Variants in CACNB2 observed in about 807,000 individuals in gnomAD.
CACNB2 encodes calcium voltage-gated channel auxiliary subunit beta 2.
Under a neutral mutation model 73.3 loss-of-function variants are expected in CACNB2, and 42 were observed. The ratio of observed to expected loss-of-function variants is 0.57; its 90% CI spans 0.45 to 0.74. CACNB2 has a LOEUF of 0.74. Among genes scored for constraint, CACNB2 ranks in the 30% least tolerant of loss-of-function variants. The pLI is 0.00. For missense variants in CACNB2, 940 were observed against 853.0 expected (o/e 1.10, Z -1.27); for synonymous variants, 348 against 310.3 (o/e 1.12, Z -1.28).
chr10:18,244,439 G>A (rs778796704), intron 2 of CACNB2, among the ~76,000 whole-genome samples: 45 of 152,274 alleles, frequency 3.0e-4, no homozygotes, highest in African/African-American at 9.6e-4. Flanking sequence ...TTTTCCTAAC[G>A]TGCAAAACAG....
In CACNB2 at chr10:18,237,675, C is replaced by A. The variant is rs187844877; in HGVS notation, c.213+86700C>A. 3.1e-4 allele frequency among the ~76,000 whole-genome samples: 47 copies of A among 152,256 alleles called. 1 individual carries two copies. The highest frequency in any genetic ancestry group is 9.4e-4 in the African/African-American group (39 of 41,518). ...TGGTATCATTTGAACTTGATCTTGACGTTGGAATGGTTCTTCAGGTGCATC... is the reference window on the plus strand; with the variant it reads ...TGGTATCATTTGAACTTGATCTTGAAGTTGGAATGGTTCTTCAGGTGCATC... On this transcript the variant is annotated intron_variant, in intron 2 of 13. Coordinates refer to ENST00000324631, the MANE Select transcript of CACNB2 (RefSeq NM_201596.3).
At chr10:18,532,676 C>CAAAAA (rs1219587375) in intron 10 of CACNB2, among the ~76,000 whole-genome samples, 161 of 91,510 alleles carry the variant, frequency 1.8e-3, no homozygotes, top group Middle Eastern at 6.5e-3. Context: ...GACTCTGTCT[C>CAAAAA]AAAAAAAAAA....
At chr10:18,420,827 C>G (rs2045280105) in intron 3 of CACNB2, among the ~76,000 whole-genome samples, 1 of 152,108 alleles carries the variant, frequency 6.6e-6, no homozygotes, top group African/African-American at 2.4e-5. Flanking sequence ...GGACCATTAT[C>G]TGTAGGAATT....
chr10:18,292,169 G>A (rs2039091773), intron 2 of CACNB2, among the ~76,000 whole-genome samples: 1 of 152,192 alleles, frequency 6.6e-6, no homozygotes, highest in African/African-American at 2.4e-5. Context: ...AATGTTAAGG[G>A]TAGAATATGT....
At position 18,540,983 on chromosome 10, in the gene CACNB2, A is replaced by G. The variant is rs2054040441; in HGVS notation, c.*1259A>G. 1 of 152,652 alleles carries G rather than the reference A, an allele frequency of 6.6e-6. No homozygotes were observed. The highest frequency in any genetic ancestry group is 2.4e-5 in the African/African-American group (1 of 41,444). The allele number at this position is 152,652 out of a possible 1,614,324, so 9.5% of individuals were successfully genotyped here. A position where few individuals can be genotyped will look rare whatever the true frequency, so the allele number is the denominator to read the frequency against. On this transcript the variant is annotated 3_prime_UTR_variant, in exon 14 of 14. Transcript: ENST00000324631. ...GCTCCTAGAGAGTGAAAATACAGGC[A>G]ATTTTACTGTGAGTGTTTCACTGGA...
intron 2 of CACNB2, among the ~76,000 whole-genome samples, chr10:18,390,369 T>A (rs1235061564): frequency 2.0e-5 from 3 of 152,162 alleles, no homozygotes; most frequent in African/African-American, 7.2e-5. Flanking sequence ...CCCGCCACCA[T>A]GCCTGGCTAA....
chr10:18,314,712 ACCC>A, intron 2 of CACNB2, among the ~76,000 whole-genome samples: 1 of 152,202 alleles, frequency 6.6e-6, no homozygotes, highest in African/African-American at 2.4e-5. Flanking sequence ...ACCCTACAGT[ACCC>A]ACTGTAACAA....
intron 3 of CACNB2, among the ~76,000 whole-genome samples, chr10:18,407,457 A>T (rs12780808): frequency 0.075 from 11,421 of 151,706 alleles, 514 homozygotes; most frequent in Non-Finnish European, 0.1. Context: ...TTGTTTTTTT[A>T]AAATCTCTAA....
At chr10:18,526,593 G>C (rs1251732412) in intron 9 of CACNB2, among the ~76,000 whole-genome samples, 3 of 152,084 alleles carry the variant, frequency 2.0e-5, no homozygotes, top group African/African-American at 7.2e-5. Flanking sequence ...TCCTACTGCT[G>C]ACTTGAATAT....
intron 2 of CACNB2, among the ~76,000 whole-genome samples, chr10:18,272,428 A>G (rs1394853795): frequency 1.3e-5 from 2 of 152,216 alleles, no homozygotes; most frequent in Non-Finnish European, 2.9e-5. Flanking sequence ...GGTGGATAAT[A>G]TAATTCGGTG....
intron 2 of CACNB2, among the ~76,000 whole-genome samples, chr10:18,194,558 T>C (rs1280657291): frequency 6.6e-6 from 1 of 152,204 alleles, no homozygotes; most frequent in Non-Finnish European, 1.5e-5. Flanking sequence ...TTTAAGTTTA[T>C]CAGGTTCCTC....
chr10:18,290,112 CTTTTTTT>C (rs992393946), intron 2 of CACNB2, among the ~76,000 whole-genome samples: 819 of 50,068 alleles, frequency 0.016, 6 homozygotes, highest in South Asian at 0.035. Context: ...TTTTCTTTTT[CTTTTTTT>C]TTTTTTTTTT....
intron 2 of CACNB2, among the ~76,000 whole-genome samples, chr10:18,201,384 C>T (rs971393557): frequency 2.0e-4 from 31 of 151,510 alleles, no homozygotes; most frequent in African/African-American, 7.3e-4. Context: ...AAGCAGTTCT[C>T]CTGCCTCAGC....
intron 2 of CACNB2, among the ~76,000 whole-genome samples, chr10:18,207,156 G>A (rs993293068): frequency 2.0e-5 from 3 of 152,204 alleles, no homozygotes; most frequent in Admixed American, 6.5e-5. Flanking sequence ...CTACAGGCGT[G>A]AGCCACCACA....
At chr10:18,255,935 C>T (rs939385056) in intron 2 of CACNB2, among the ~76,000 whole-genome samples, 2 of 152,192 alleles carry the variant, frequency 1.3e-5, no homozygotes, top group African/African-American at 4.8e-5. Context: ...GGAAGCACTT[C>T]ATCTGATGTT....
intron 5 of CACNB2, among the ~76,000 whole-genome samples, chr10:18,503,391 G>T (rs1338998234): frequency 6.6e-6 from 1 of 152,188 alleles, no homozygotes; most frequent in East Asian, 1.9e-4. Context: ...GAGGCCAGGA[G>T]TTCGAGACCA....
intron 2 of CACNB2, among the ~76,000 whole-genome samples, chr10:18,250,990 C>G (rs2037065316): frequency 6.6e-6 from 1 of 152,230 alleles, no homozygotes; most frequent in Non-Finnish European, 1.5e-5. Flanking sequence ...GTGTCTTCAT[C>G]TTTTATTACT....
intron 2 of CACNB2, among the ~76,000 whole-genome samples, chr10:18,210,655 T>C (rs534504526): frequency 4.6e-5 from 7 of 152,296 alleles, no homozygotes; most frequent in Admixed American, 4.6e-4. Context: ...TAAAGGACTC[T>C]ACCTCCTAGA....
At chr10:18,212,343 T>C (rs2035350476) in intron 2 of CACNB2, among the ~76,000 whole-genome samples, 1 of 136,276 alleles carries the variant, frequency 7.3e-6, no homozygotes, top group East Asian at 2.0e-4. Context: ...CTTGACTTGA[T>C]ACCTTTTGCC....
Sources: allele counts gnomAD v4.1 joint callset (sites outside exome capture counted in the v4.1 genomes callset), GRCh38; gene constraint gnomAD v4.1.1; transcripts MANE v1.5; gene names NCBI Gene and HGNC (gene_info 2026-07-23, HGNC 2026-07-21).